Variants in MCM3AP observed in about 807,000 individuals in gnomAD.
MCM3AP encodes germinal-center associated nuclear protein.
A neutral mutation model predicts 184.1 loss-of-function variants in MCM3AP; 126 were observed. That is an observed-to-expected ratio of 0.68 (90% CI 0.59 to 0.79). The LOEUF (loss-of-function observed/expected upper bound fraction) is 0.79. Among genes scored for constraint, MCM3AP ranks in the 30% least tolerant of loss-of-function variants. The pLI is 0.00. For synonymous variants in MCM3AP, 1,002 were observed against 979.3 expected (o/e 1.02, Z -0.43); for missense variants, 2,496 against 2,479.2 (o/e 1.01, Z -0.14).
intron 25 of MCM3AP, 66 bp from the exon 26 acceptor site, chr21:46,241,083 A>T (rs2080655399): frequency 4.3e-6 from 5 of 1,166,628 alleles, no homozygotes; most frequent in Non-Finnish European, 6.3e-6. Context: ...CATGTAAAGC[A>T]TGTAGATACA....
chr21:46,243,413 G>C (rs1319284714), intron 24 of MCM3AP, 52 bp downstream of exon 24: 5 of 1,534,696 alleles, frequency 3.3e-6, no homozygotes, highest in Non-Finnish European at 4.4e-6. Flanking sequence ...GCAGAAACTG[G>C]ACCAGGAAAG....
chr21:46,280,579 GA>G lies in MCM3AP; in HGVS notation c.1444-5del. 1.2e-6 allele frequency: 2 copies of G among 1,605,958 alleles called. No individual in the cohort carries two copies. The highest frequency in any genetic ancestry group is 2.2e-5 in the East Asian group (1 of 44,846). ...TTCTAGCCAGGGCTGCAGATGCCTGGAAAACAGTCCACAACCGCCATGTGTG... is the reference window on the plus strand; with the variant it reads ...TTCTAGCCAGGGCTGCAGATGCCTGGAAACAGTCCACAACCGCCATGTGTG... On this transcript the variant is annotated splice_polypyrimidine_tract_variant and splice_region_variant and intron_variant, in intron 2 of 27. Transcript: ENST00000291688.
intron 9 of MCM3AP, 173 bp from the exon 10 acceptor site, chr21:46,267,315 CTGCTCAGGGGCAG>C: frequency 1.6e-6 from 1 of 618,238 alleles, no homozygotes. Flanking sequence ...CATAGGCGGT[CTGCTCAGGGGCAG>C]TGCTCAGGAA....
chr21:46,280,653 T>C lies in MCM3AP; in HGVS notation c.1444-78A>G. ...AATGGGATTGAAAACTCAAATGCAG[T>C]AAGCACAACAGACCATTCAAAGGCA... On this transcript the variant is annotated intron_variant, in intron 2 of 27. Coordinates refer to ENST00000291688, the MANE Select transcript of MCM3AP (RefSeq NM_003906.5). 3 of 950,896 alleles carry C rather than the reference T, an allele frequency of 3.2e-6. No individual in the cohort carries two copies. In the South Asian group the frequency reaches 4.1e-5, roughly 13 times the overall value. 58.9% of individuals were successfully genotyped at this position (950,896 alleles called of 1,614,324 possible).
intron 20 of MCM3AP, chr21:46,251,277 A>G: frequency 3.2e-6 from 1 of 317,186 alleles, no homozygotes; most frequent in Non-Finnish European, 5.7e-6. Context: ...TACATTTAGG[A>G]AATCCAATAT....
chr21:46,277,806 G>A (rs1478748965), intron 4 of MCM3AP, 89 bp from the exon 5 acceptor site: 3 of 732,584 alleles, frequency 4.1e-6, no homozygotes, highest in Non-Finnish European at 4.3e-6. Context: ...CATCTTTCAA[G>A]ATTTTCTGGT....
At position 46,235,423 on chromosome 21, in the gene MCM3AP, C is replaced by T. The variant is rs749288099; in HGVS notation, c.5788G>A (p.Asp1930Asn). 3 of 1,613,904 alleles carry T rather than the reference C, an allele frequency of 1.9e-6. No individual in the cohort carries two copies. The South Asian group carries it at 3.3e-5, about 18-fold the overall frequency. ...KTSVTTSPQSDMMREQLQLSE... is the reference protein window; with the variant it reads ...KTSVTTSPQSNMMREQLQLSE... Reference sequence around the variant, plus strand: ...AGCTGCAGTTGCTCCCTCATCATGTCACTCTATTTGAATAAAAAAGAAACT... The same window carrying T: ...AGCTGCAGTTGCTCCCTCATCATGTTACTCTATTTGAATAAAAAAGAAACT... The change falls in exon 28 of 28, where the codon GAC becomes AAC. Residue 1930 changes from aspartate (D) to asparagine (N), a missense_variant. By Grantham distance (23) the Asp-to-Asn change is conservative. Around this residue, in one of 5 missense-constraint regions of MCM3AP, gnomAD observed 1,323 missense variants for 1,273.4 expected, o/e 1.04. Coordinates refer to ENST00000291688, the MANE Select transcript of MCM3AP (RefSeq NM_003906.5).
chr21:46,248,108 G>C (rs1003606934), intron 20 of MCM3AP, among the ~76,000 whole-genome samples: 1 of 152,308 alleles, frequency 6.6e-6, no homozygotes, highest in African/African-American at 2.4e-5. Context: ...ATGTGGGTGT[G>C]TAAGGAGTCA....
At chr21:46,237,881 C>T (rs1207214812) in intron 26 of MCM3AP, among the ~76,000 whole-genome samples, 1 of 116,278 alleles carries the variant, frequency 8.6e-6, no homozygotes, top group Non-Finnish European at 1.8e-5. Flanking sequence ...GGGCAGATCA[C>T]CTGAGGTCAG....
Position 46,285,105 on chromosome 21 carries a change from G to C in MCM3AP, c.182C>G (p.Ser61Cys). 6.2e-7 allele frequency: 1 copy of C among 1,614,220 alleles called. No homozygotes were observed. Among genetic ancestry groups the C allele is most frequent in the Non-Finnish European group, 8.5e-7 (1 of 1,180,028 alleles). Residue 61 changes from serine (S) to cysteine (C), a missense_variant, in exon 1 of 28, where the codon TCT becomes TGT. This residue lies in a region of MCM3AP where 800 missense variants were observed against 717.1 expected (regional missense o/e 1.12). Coordinates refer to ENST00000291688, the MANE Select transcript of MCM3AP (RefSeq NM_003906.5). ...GFSQVSSFPA[S>C]SGVSHSSSVQ... is the part of the protein sequence containing the mutation. ...TGAAGAGGAATGACTTACTCCAGAAGACGCTGGAAAGCTGGATACCTGTGA... is the reference window on the plus strand; with the variant it reads ...TGAAGAGGAATGACTTACTCCAGAACACGCTGGAAAGCTGGATACCTGTGA...
chr21:46,262,913 A>G (rs560876429), intron 13 of MCM3AP, among the ~76,000 whole-genome samples: 37 of 136,616 alleles, frequency 2.7e-4, no homozygotes, highest in Admixed American at 7.9e-4. Context: ...GCCTGCAGTG[A>G]GCCGAGATCA....
chr21:46,251,880 T>TA, intron 19 of MCM3AP, 198 bp from the exon 20 acceptor site: 8 of 348,922 alleles, frequency 2.3e-5, no homozygotes, highest in Admixed American at 4.5e-5. Context: ...CTGTACTCGT[T>TA]CTTTTTTTTT....
intron 10 of MCM3AP, 178 bp from the exon 11 acceptor site, chr21:46,266,344 GAACCAC>G (rs2081112125): frequency 1.7e-6 from 1 of 588,034 alleles, no homozygotes; most frequent in Non-Finnish European, 2.9e-6. Flanking sequence ...TAGGTCCCTA[GAACCAC>G]TAAGCCCAGC....
intron 18 of MCM3AP, 109 bp from the exon 19 acceptor site, chr21:46,254,635 A>G: frequency 6.8e-7 from 1 of 1,469,208 alleles, no homozygotes; most frequent in South Asian, 1.2e-5. Context: ...TCAGGTTCAG[A>G]GATTGAACTG....
At chr21:46,267,930 C>G (rs1486593906) in intron 9 of MCM3AP, 1 of 150,634 alleles carries the variant, frequency 6.6e-6, no homozygotes, top group Non-Finnish European at 1.5e-5. Flanking sequence ...GGTGTGGTGG[C>G]TCACGCCTGT....
chr21:46,258,389 G>C (rs958242080), intron 16 of MCM3AP, among the ~76,000 whole-genome samples: 6 of 152,128 alleles, frequency 3.9e-5, no homozygotes, highest in African/African-American at 1.4e-4. Flanking sequence ...GAGAAGTTGT[G>C]GCCATGAGAG....
chr21:46,265,267 G>A lies in MCM3AP; in HGVS notation c.3234+54C>T, dbSNP rs1452549390. 9.7e-5 allele frequency: 151 copies of A among 1,554,126 alleles called. 1 individual carries two copies. The East Asian group carries it at 3.3e-3, about 34-fold the overall frequency. On this transcript the variant is annotated intron_variant, in intron 12 of 27. Transcript: ENST00000291688. ...ACCTCATGGGGTGATGACTAAGGAC[G>A]TTTGCGCACAATGGGCTTCCCAGAG...
rs563874890 is a variant in MCM3AP, at chr21:46,266,577, G to A, written c.2789+405C>T. On this transcript the variant is annotated intron_variant, in intron 10 of 27. Transcript: ENST00000291688. ...GTAAGCTGCCAGTTTCTGAGAGAGC[G>A]TCTGTGAGTCTCACCACTCTGACTG... 3.1e-4 allele frequency: 75 copies of A among 238,412 alleles called. No individual in the cohort carries two copies. In the South Asian group the frequency reaches 5.6e-3, roughly 18 times the overall value. The allele number at this position is 238,412 out of a possible 1,614,324, so 14.8% of individuals were successfully genotyped here.
chr21:46,260,104 C>T (rs2081022519), intron 15 of MCM3AP, among the ~76,000 whole-genome samples: 1 of 151,864 alleles, frequency 6.6e-6, no homozygotes, highest in South Asian at 2.1e-4. Flanking sequence ...GAGTCTGCAT[C>T]CTCAGTATTA....
Sources: allele counts gnomAD v4.1 joint callset (sites outside exome capture counted in the v4.1 genomes callset), GRCh38; gene constraint gnomAD v4.1.1; regional missense constraint gnomAD v4.1.1; transcripts MANE v1.5; gene names NCBI Gene and HGNC (gene_info 2026-07-23, HGNC 2026-07-21).